Variants in LRSAM1 observed in about 807,000 individuals in gnomAD.
LRSAM1 encodes the protein leucine rich repeat and sterile alpha motif containing 1.
LRSAM1 carries 96 observed loss-of-function variants against 118.1 expected under a neutral mutation model. The ratio of observed to expected loss-of-function variants is 0.81; its 90% CI spans 0.69 to 0.96. LRSAM1 has a LOEUF of 0.96. Ranked by LOEUF, LRSAM1 falls within the 40% of genes least tolerant of loss-of-function variation. The probability of loss-of-function intolerance (pLI) is 0.00; values close to 1 mark genes in which losing one functional copy is unlikely to be tolerated. For missense variants in LRSAM1, 804 were observed against 915.5 expected, an observed-to-expected ratio of 0.88 and a Z score of 1.57; for synonymous variants, 322 against 364.2, an observed-to-expected ratio of 0.88 and a Z score of 1.32.
intron 24 of LRSAM1, among the ~76,000 whole-genome samples, chr9:127,499,505 TG>T (rs1374671822): frequency 6.7e-6 from 1 of 149,858 alleles, no homozygotes; most frequent in East Asian, 1.9e-4. Flanking sequence ...TACTCCAGCC[TG>T]GGTGACAGAG....
At chr9:127,476,793 G>A (rs536269725) in intron 11 of LRSAM1, among the ~76,000 whole-genome samples, 2 of 152,022 alleles carry the variant, frequency 1.3e-5, no homozygotes, top group Admixed American at 1.3e-4. Context: ...TCCTGCCTTA[G>A]CCTCCCGAGT....
At chr9:127,458,246 G>T (rs551225858) in intron 6 of LRSAM1, among the ~76,000 whole-genome samples, 246 of 152,216 alleles carry the variant, frequency 1.6e-3, no homozygotes, top group Admixed American at 3.6e-3. Flanking sequence ...GCCGGGCGCG[G>T]TGGCGGGCGC....
intron 24 of LRSAM1, among the ~76,000 whole-genome samples, chr9:127,500,496 G>A (rs967449842): frequency 6.6e-6 from 1 of 152,206 alleles, no homozygotes; most frequent in Non-Finnish European, 1.5e-5. Flanking sequence ...AGCCTTGCGG[G>A]GGGCCTCTCA....
chr9:127,501,270 G>A (rs1836382170), intron 25 of LRSAM1, 127 bp downstream of exon 25: 7 of 1,252,522 alleles, frequency 5.6e-6, no homozygotes, highest in Non-Finnish European at 7.6e-6. Flanking sequence ...CATCTAGAAA[G>A]AAGGCAGGAA....
At chr9:127,487,223 C>T (rs1322740477) in intron 17 of LRSAM1, among the ~76,000 whole-genome samples, 2 of 151,400 alleles carry the variant, frequency 1.3e-5, no homozygotes, top group African/African-American at 4.9e-5. Context: ...TGCCAAAGCA[C>T]AAACATACGT....
chr9:127,502,152 G>A (rs1482135655), intron 25 of LRSAM1, among the ~76,000 whole-genome samples: 1 of 152,262 alleles, frequency 6.6e-6, no homozygotes, highest in Admixed American at 6.5e-5. Flanking sequence ...GCAGGGGCCG[G>A]CGGAATAGGC....
chr9:127,468,085 T>C (rs1835027995), intron 10 of LRSAM1, among the ~76,000 whole-genome samples: 1 of 152,222 alleles, frequency 6.6e-6, no homozygotes, highest in Non-Finnish European at 1.5e-5. Flanking sequence ...TTTGAGAGTG[T>C]GGCTCCACTG....
intron 11 of LRSAM1, among the ~76,000 whole-genome samples, chr9:127,478,647 C>T (rs971308654): frequency 6.6e-6 from 1 of 152,192 alleles, no homozygotes. Flanking sequence ...CTCTTCAGAC[C>T]ACCATCCCTG....
intron 15 of LRSAM1, among the ~76,000 whole-genome samples, chr9:127,481,848 G>A (rs1390661000): frequency 6.6e-6 from 1 of 151,878 alleles, no homozygotes; most frequent in Non-Finnish European, 1.5e-5. Context: ...TTGAGGTCAG[G>A]AGTTTGAGAC....
Position 127,465,480 on chromosome 9 carries a change from G to A in LRSAM1, c.529-2260G>A, listed in dbSNP as rs932528624. Among the ~76,000 whole-genome samples the A allele has an allele frequency of 2.0e-5, 3 of 152,244 alleles. No homozygotes were observed. Among genetic ancestry groups the A allele is most frequent in the Non-Finnish European group, 2.9e-5 (2 of 68,042 alleles). On this transcript the variant is annotated intron_variant, in intron 9 of 25. Transcript: ENST00000300417. The surrounding 1 kb of genome is among the most constrained non-coding windows in gnomAD (Gnocchi z 4.1). ...ACAGTCCGTGCCCTTAAGCCACCAC[G>A]CTTTACTGATGGTGACTAAGAGCAC...
chr9:127,463,955 G>A (rs979980565), intron 9 of LRSAM1, among the ~76,000 whole-genome samples: 1 of 152,242 alleles, frequency 6.6e-6, no homozygotes, highest in Admixed American at 6.5e-5. Context: ...GGGCCACACA[G>A]TCACTGACAG....
chr9:127,495,840 TG>T, intron 22 of LRSAM1, 123 bp from the exon 23 acceptor site: 1 of 1,434,806 alleles, frequency 7.0e-7, no homozygotes, highest in Admixed American at 2.0e-5. Context: ...TATGAGTTTT[TG>T]TAGGAAAAAT....
At chr9:127,453,406 A>G (rs912731015) in intron 2 of LRSAM1, 2 of 145,074 alleles carry the variant, frequency 1.4e-5, no homozygotes, top group East Asian at 2.0e-4. Flanking sequence ...AAAAAGGGTT[A>G]TGGTGAGAAC....
intron 24 of LRSAM1, among the ~76,000 whole-genome samples, chr9:127,500,358 CAA>C (rs563842364): frequency 1.5e-4 from 14 of 93,526 alleles, no homozygotes; most frequent in Admixed American, 3.2e-4. Context: ...GAGACTGTCT[CAA>C]AAAAAAAAAA....
At position 127,467,768 on chromosome 9, in the gene LRSAM1, T is replaced by A. The variant is rs762796023; in HGVS notation, c.557T>A (p.Val186Asp). ...EMLSLDASAM[V>D]YPPREVCGAG... ...CTGAGCCTTGACGCCTCGGCCATGG[T>A]CTACCCGCCGCGGGAGGTGTGTGGT... is the stretch of plus-strand genomic sequence containing the variant. Residue 186 changes from valine (V) to aspartate (D), a missense_variant, in exon 10 of 26, where the codon GTC becomes GAC. Transcript: ENST00000300417. The A allele has an allele frequency of 6.2e-7, 1 of 1,610,680 alleles. No individual in the cohort carries two copies. The highest frequency in any genetic ancestry group is 1.3e-5 in the African/African-American group (1 of 74,920).
chr9:127,463,057 C>T lies in LRSAM1; in HGVS notation c.528+684C>T, dbSNP rs763518698. Among the ~76,000 whole-genome samples the T allele has an allele frequency of 5.3e-5, 8 of 151,860 alleles. No individual in the cohort carries two copies. The East Asian group carries it at 5.8e-4, about 11-fold the overall frequency. On this transcript the variant is annotated intron_variant, in intron 9 of 25. Coordinates refer to ENST00000300417, the MANE Select transcript of LRSAM1 (RefSeq NM_001005373.4). Reference sequence around the variant, plus strand: ...CTAAAAATACAAGAAATTATCCAGGCGTGGTGGTGCGCACCTGTAATCCCA... The same window carrying T: ...CTAAAAATACAAGAAATTATCCAGGTGTGGTGGTGCGCACCTGTAATCCCA...
chr9:127,454,645 G>C (rs371146474), intron 3 of LRSAM1, 46 bp downstream of exon 3: 1 of 1,588,162 alleles, frequency 6.3e-7, no homozygotes, highest in African/African-American at 1.3e-5. Flanking sequence ...TCTCCTCCTC[G>C]GTCCCCATGG....
intron 21 of LRSAM1, among the ~76,000 whole-genome samples, chr9:127,494,961 G>A (rs1014492369): frequency 3.9e-5 from 6 of 152,076 alleles, no homozygotes; most frequent in African/African-American, 1.2e-4. Flanking sequence ...GTTTTGTTTT[G>A]TTTTTTTGAG....
chr9:127,502,451 G>A (rs1386277582), intron 25 of LRSAM1, among the ~76,000 whole-genome samples: 3 of 152,124 alleles, frequency 2.0e-5, no homozygotes, highest in African/African-American at 7.2e-5. Flanking sequence ...TTGGGAGGCC[G>A]AGGCGGGCAG....
Sources: allele counts gnomAD v4.1 joint callset (sites outside exome capture counted in the v4.1 genomes callset), GRCh38; gene constraint gnomAD v4.1.1; non-coding constraint Gnocchi (gnomAD v3.1); transcripts MANE v1.5; gene names NCBI Gene and HGNC (gene_info 2026-07-23, HGNC 2026-07-21).